Variants in SNTG1 observed in about 807,000 individuals in gnomAD.
SNTG1 encodes the protein gamma-1-syntrophin.
SNTG1 carries 39 observed loss-of-function variants against 74.7 expected under a neutral mutation model. The observed-to-expected ratio is 0.52, with a 90% confidence interval of 0.40 to 0.68. SNTG1 has a LOEUF of 0.68. Among genes scored for constraint, SNTG1 ranks in the 30% least tolerant of loss-of-function variants. SNTG1 has a pLI of 0.00. For synonymous variants in SNTG1, 254 were observed against 217.1 expected (o/e 1.17, Z -1.49); for missense variants, 685 against 609.5 (o/e 1.12, Z -1.30).
rs183138700 is a variant in SNTG1 at position 50,595,149 on chromosome 8, A to G, written c.849+4232A>G. On this transcript the variant is annotated intron_variant, in intron 13 of 18. Transcript: ENST00000642720. Reference sequence around the variant, plus strand: ...CTATTTTTTTCAATTTGAGAAAGAAACTCTCCTAGTTCTTTATACATTCAA... The same window carrying G: ...CTATTTTTTTCAATTTGAGAAAGAAGCTCTCCTAGTTCTTTATACATTCAA... Among the ~76,000 whole-genome samples, 50 of 151,682 alleles carry G rather than the reference A, an allele frequency of 3.3e-4. No individual in the cohort carries two copies. In the East Asian group the frequency reaches 9.5e-3, roughly 29 times the overall value.
At chr8:50,334,400 A>G (rs1391337384) in intron 2 of SNTG1, among the ~76,000 whole-genome samples, 1 of 152,140 alleles carries the variant, frequency 6.6e-6, no homozygotes, top group Non-Finnish European at 1.5e-5. Flanking sequence ...AACAAAAACC[A>G]TAACAAAAGC....
chr8:50,048,106 A>G (rs1013828537), intron 1 of SNTG1, among the ~76,000 whole-genome samples: 2 of 152,098 alleles, frequency 1.3e-5, no homozygotes, highest in African/African-American at 4.8e-5. Flanking sequence ...GCATCCATGA[A>G]AAAAAATAAA....
At chr8:50,775,650 A>C (rs1264426707) in intron 18 of SNTG1, among the ~76,000 whole-genome samples, 1 of 151,806 alleles carries the variant, frequency 6.6e-6, no homozygotes, top group South Asian at 2.1e-4. Flanking sequence ...GGTGTTTTCT[A>C]ATTCTTCTAC....
Position 50,212,551 on chromosome 8 carries a change from G to A in SNTG1, c.-28+39916G>A, listed in dbSNP as rs117088957. On this transcript the variant is annotated intron_variant, in intron 2 of 18. Transcript: ENST00000642720. ...GCTCTCCAAGAATTCATGGTAAGAG[G>A]GGGAGATGAGCAAGAAAATAAAAAG... 7.6e-4 allele frequency among the ~76,000 whole-genome samples: 115 copies of A among 152,200 alleles called. 2 individuals are homozygous for A. In the East Asian group the frequency reaches 0.017, roughly 22 times the overall value.
Position 50,634,715 on chromosome 8 carries a change from G to A in SNTG1, c.850-22194G>A, listed in dbSNP as rs1038876816. Among the ~76,000 whole-genome samples the A allele has an allele frequency of 2.6e-5, 4 of 152,212 alleles. No homozygotes were observed. In the East Asian group the frequency reaches 5.8e-4, roughly 22 times the overall value. On this transcript the variant is annotated intron_variant, in intron 13 of 18. Coordinates refer to ENST00000642720, the MANE Select transcript of SNTG1 (RefSeq NM_018967.5). ...TTGTGCACATTGGTGGTATGAGTAT[G>A]TGTAATTAGTTTTGTACAATTATAG...
intron 9 of SNTG1, among the ~76,000 whole-genome samples, chr8:50,518,854 C>T (rs1170705569): frequency 6.6e-6 from 1 of 152,184 alleles, no homozygotes; most frequent in Non-Finnish European, 1.5e-5. Flanking sequence ...GTTGGGTTCA[C>T]AGCCAAATTC....
rs1170965252 is a variant in SNTG1, at chr8:50,033,416, G to A, written c.-103+121185G>A. On this transcript the variant is annotated intron_variant, in intron 1 of 18. Coordinates refer to ENST00000642720, the MANE Select transcript of SNTG1 (RefSeq NM_018967.5). ...TGGGATTACAGGGGTGAGCCACTGCGCCCAGCCAATTTATTATTCTTAATA... is the reference window on the plus strand; with the variant it reads ...TGGGATTACAGGGGTGAGCCACTGCACCCAGCCAATTTATTATTCTTAATA... Among the ~76,000 whole-genome samples the A allele has an allele frequency of 6.6e-5, 10 of 152,164 alleles. No individual in the cohort carries two copies. The South Asian group carries it at 1.2e-3, about 19-fold the overall frequency.
In SNTG1 at chr8:50,704,619, G is replaced by A. The variant is rs150099561; in HGVS notation, c.1058G>A (p.Arg353Gln). Residue 353 changes from arginine to glutamine, a missense_variant, in exon 16 of 19, where the codon CGA becomes CAA. Physicochemically the swap from Arg to Gln is conservative, Grantham distance 43. Coordinates refer to ENST00000642720, the MANE Select transcript of SNTG1 (RefSeq NM_018967.5). ...KILKDSDLLD[R>Q]RKQCFTVQSE... ...CACCAGGACAGTGACCTGCTGGACC[G>A]ACGGAAACAGTGCTTCACCGTGCAG... 75 of 1,614,106 alleles carry A rather than the reference G, an allele frequency of 4.6e-5. No individual in the cohort carries two copies. The Middle Eastern group carries it at 9.9e-4, about 21-fold the overall frequency.
At chr8:50,411,297 A>C (rs966273520) in intron 4 of SNTG1, among the ~76,000 whole-genome samples, 3 of 151,788 alleles carry the variant, frequency 2.0e-5, no homozygotes, top group Non-Finnish European at 4.4e-5. Flanking sequence ...AAATACAAAA[A>C]ATTAGCCAGG....
intron 13 of SNTG1, among the ~76,000 whole-genome samples, chr8:50,617,378 T>TCACACACACACA (rs3999830): frequency 9.7e-4 from 143 of 147,038 alleles, no homozygotes; most frequent in African/African-American, 3.3e-3. Flanking sequence ...AGTAAGCATT[T>TCACACACACACA]CACACACACA....
intron 12 of SNTG1, among the ~76,000 whole-genome samples, chr8:50,563,767 T>C (rs573747116): frequency 1.3e-5 from 2 of 152,094 alleles, no homozygotes; most frequent in South Asian, 2.1e-4. Context: ...ATACATTGAC[T>C]TGTGGTTTCC....
chr8:49,966,596 T>TGTTG (rs892150756), intron 1 of SNTG1, among the ~76,000 whole-genome samples: 13 of 152,152 alleles, frequency 8.5e-5, no homozygotes, highest in Middle Eastern at 3.4e-3. Context: ...GGTTTCACCA[T>TGTTG]GTTGGCCAGG....
At chr8:49,921,869 C>A (rs1254538547) in intron 1 of SNTG1, among the ~76,000 whole-genome samples, 1 of 151,956 alleles carries the variant, frequency 6.6e-6, no homozygotes, top group Non-Finnish European at 1.5e-5. Flanking sequence ...TTGTTTTAGC[C>A]ACTGAGAATT....
intron 8 of SNTG1, among the ~76,000 whole-genome samples, chr8:50,474,880 T>C (rs1190587337): frequency 1.3e-5 from 2 of 152,062 alleles, no homozygotes; most frequent in Non-Finnish European, 2.9e-5. Flanking sequence ...ATATACACCA[T>C]GGAATACTAT....
At chr8:50,423,696 C>T (rs2093125611) in intron 4 of SNTG1, among the ~76,000 whole-genome samples, 3 of 152,038 alleles carry the variant, frequency 2.0e-5, no homozygotes, top group Non-Finnish European at 4.4e-5. Flanking sequence ...AAGCTCAGTA[C>T]ATGAAATGAC....
chr8:50,737,840 C>T (rs2095532813), intron 17 of SNTG1, among the ~76,000 whole-genome samples: 1 of 152,004 alleles, frequency 6.6e-6, no homozygotes, highest in South Asian at 2.1e-4. Flanking sequence ...GCAGAAAAGG[C>T]CTTCAATAAA....
chr8:50,756,689 A>G (rs7005117), intron 18 of SNTG1, among the ~76,000 whole-genome samples: 1 of 151,610 alleles, frequency 6.6e-6, no homozygotes, highest in Admixed American at 6.6e-5. Flanking sequence ...TATGTCTTGA[A>G]GTTTTATAGT....
chr8:50,583,168 C>T (rs113071642), intron 12 of SNTG1, among the ~76,000 whole-genome samples: 5,051 of 151,738 alleles, frequency 0.033, 134 homozygotes, highest in African/African-American at 0.063. Context: ...TTTGGGAAGC[C>T]GAGGCGAGTG....
intron 2 of SNTG1, among the ~76,000 whole-genome samples, chr8:50,349,996 C>T (rs548262138): frequency 1.4e-3 from 209 of 152,266 alleles, no homozygotes; most frequent in Non-Finnish European, 1.3e-3. Context: ...GTGGGCTTGG[C>T]GGCCCCACAC....
Sources: gnomAD v4.1 joint callset for allele counts (sites outside exome capture counted in the v4.1 genomes callset) on GRCh38, gnomAD v4.1.1 for gene constraint, MANE v1.5 for transcripts, NCBI Gene and HGNC (gene_info 2026-07-23, HGNC 2026-07-21) for gene names.